The following CIC variants were observed in gnomAD, a reference collection of about 807,000 sequenced individuals.
CIC encodes protein capicua homolog.
A neutral mutation model predicts 115.7 loss-of-function variants in CIC; 18 were observed. The ratio of observed to expected loss-of-function variants is 0.16; its 90% CI spans 0.11 to 0.23. CIC has a LOEUF of 0.23. Among genes scored for constraint, CIC ranks in the 10% least tolerant of loss-of-function variants. The pLI, the probability that CIC is intolerant of heterozygous loss-of-function variation, is 1.00. For synonymous variants in CIC, 1,076 were observed against 923.0 expected, an observed-to-expected ratio of 1.17 and a Z score of -3.01; for missense variants, 2,000 against 2,159.3, an observed-to-expected ratio of 0.93 and a Z score of 1.46.
Position 42,273,910 on chromosome 19 carries a change from C to T in CIC, c.2127C>T (p.Ile709=), listed in dbSNP as rs1474574978. 3 of 398,452 alleles carry T rather than the reference C, an allele frequency of 7.5e-6. No homozygotes were observed. Among genetic ancestry groups the T allele is most frequent in the Non-Finnish European group, 1.3e-5 (3 of 226,052 alleles). 24.7% of individuals were successfully genotyped at this position (398,452 alleles called of 1,614,324 possible). ...CCAACCTGACCTTCACCGTGCCCAT[C>T]AGCCCTGGGCGACGGAAGACAGAGC... ...FQTNLTFTVP[I]SPGRRKTELL... Residue 709 remains isoleucine (I), a synonymous_variant, in exon 2 of 21, where the codon ATC becomes ATT. Transcript: ENST00000681038.
At chr19:42,271,350 T>C (rs560801409) in intron 1 of CIC, among the ~76,000 whole-genome samples, 126 of 152,332 alleles carry the variant, frequency 8.3e-4, no homozygotes, top group African/African-American at 3.0e-3. Context: ...TGTGGCTCAG[T>C]TTCCTCAGGT....
chr19:42,277,640 G>GT (rs1350540739), intron 2 of CIC, among the ~76,000 whole-genome samples: 1 of 152,254 alleles, frequency 6.6e-6, no homozygotes, highest in Non-Finnish European at 1.5e-5. Context: ...AGCGAAGACT[G>GT]TGTGCCTAAC....
intron 2 of CIC, among the ~76,000 whole-genome samples, chr19:42,282,191 C>T (rs923623589): frequency 6.6e-6 from 1 of 152,256 alleles, no homozygotes; most frequent in African/African-American, 2.4e-5. Context: ...TCCAGGCTCA[C>T]AGCCAAGTGT....
In CIC at chr19:42,272,399, C is replaced by T. The variant is rs1599847821; in HGVS notation, c.616C>T (p.Arg206Trp). Residue 206 changes from arginine to tryptophan, a missense_variant, in exon 2 of 21, where the codon CGG becomes TGG. Physicochemically the swap from Arg to Trp is moderately radical, Grantham distance 101. Transcript: ENST00000681038. ...TGACCTGCGGCAGCTGCGGTCCCAG[C>T]GGGTGCTGGCTCGGCGTGGTGATGG... ...SYDLRQLRSQ[R>W]VLARRGDGLF... is the part of the protein sequence containing the mutation. The T allele has an allele frequency of 5.0e-6, 2 of 398,556 alleles. No individual in the cohort carries two copies. Among genetic ancestry groups the T allele is most frequent in the Non-Finnish European group, 8.8e-6 (2 of 225,996 alleles). The allele number at this position is 398,556 out of a possible 1,614,324, so 24.7% of individuals were successfully genotyped here. A position where few individuals can be genotyped will look rare whatever the true frequency, so the allele number is the denominator to read the frequency against.
chr19:42,281,721 C>T lies in CIC; in HGVS notation c.2795-5050C>T, dbSNP rs549767980. Among the ~76,000 whole-genome samples the T allele has an allele frequency of 2.0e-5, 3 of 152,342 alleles. No individual in the cohort carries two copies. The East Asian group carries it at 5.8e-4, about 29-fold the overall frequency. On this transcript the variant is annotated intron_variant, in intron 2 of 20. Coordinates refer to ENST00000681038, the MANE Select transcript of CIC (RefSeq NM_001386298.1). Reference sequence around the variant, plus strand: ...CCCAGGGCAGGGGGGCCCTTCCCGCCCGGATTCCCGCCCCTCCCTGCCAGG... The same window carrying T: ...CCCAGGGCAGGGGGGCCCTTCCCGCTCGGATTCCCGCCCCTCCCTGCCAGG...
rs1346488196 is a variant in CIC, at chr19:42,295,747, CT to C, written c.*558del. 4 of 219,706 alleles carry C rather than the reference CT, an allele frequency of 1.8e-5. No individual in the cohort carries two copies. The highest frequency in any genetic ancestry group is 3.6e-5 in the Non-Finnish European group (4 of 109,616). 13.6% of individuals were successfully genotyped at this position (219,706 alleles called of 1,614,324 possible). On this transcript the variant is annotated 3_prime_UTR_variant, in exon 21 of 21. Coordinates refer to ENST00000681038, the MANE Select transcript of CIC (RefSeq NM_001386298.1). ...AACATGTTGATCATGTGCAATATTT[CT>C]TACTGTGCCGAGAAGCCGCAATGAG...
chr19:42,288,756 T>G lies in CIC; in HGVS notation c.3659-132T>G, dbSNP rs2037849494. ...GACTGGTGGTGGGTGGTGGTTTTTTTTTTTCACCAAGTGGCCCAGAAATTC... is the reference window on the plus strand; with the variant it reads ...GACTGGTGGTGGGTGGTGGTTTTTTGTTTTCACCAAGTGGCCCAGAAATTC... On this transcript the variant is annotated intron_variant, in intron 7 of 20. Transcript: ENST00000681038. 6.1e-6 allele frequency: 5 copies of G among 815,020 alleles called. No homozygotes were observed. The South Asian group carries it at 7.2e-5, about 12-fold the overall frequency. The allele number at this position is 815,020 out of a possible 1,614,324, so 50.5% of individuals were successfully genotyped here.
Position 42,295,141 on chromosome 19 carries a change from C to CCGGGGG in CIC, c.7504_7505insCGGGGG (p.Gln2502delinsProGlyGlu). 58 of 1,429,862 alleles carry CCGGGGG rather than the reference C, an allele frequency of 4.1e-5. No homozygotes were observed. Among genetic ancestry groups the CCGGGGG allele is most frequent in the African/African-American group, 7.1e-5 (5 of 70,246 alleles). The allele number at this position is 1,429,862 out of a possible 1,614,324, so 88.6% of individuals were successfully genotyped here. ...ACAGCCTGGCTGGGAGGGGGCTCCCCAGCCCTCCCCCCCACCCCCAGGTCC... is the reference window on the plus strand; with the variant it reads ...ACAGCCTGGCTGGGAGGGGGCTCCCCCGGGGGAGCCCTCCCCCCCACCCCCAGGTCC... On this transcript the variant is annotated protein_altering_variant, in exon 21 of 21. Coordinates refer to ENST00000681038, the MANE Select transcript of CIC (RefSeq NM_001386298.1).
In CIC at chr19:42,290,267, G is replaced by A. The variant is rs149770710; in HGVS notation, c.4226G>A (p.Arg1409His). The part of the protein sequence containing the change: ...FGRKVFSPVI[R>H]SSFTHCRPPL... The stretch of plus-strand genomic sequence containing the variant: ...CGGAAGGTGTTTTCACCTGTGATCC[G>A]TTCCTCCTTTACCCACTGCCGCCCC... Residue 1409 changes from arginine to histidine, a missense_variant, in exon 11 of 21, where the codon CGT (arginine) becomes CAT (histidine). Transcript: ENST00000681038. The A allele has an allele frequency of 2.9e-5, 47 of 1,614,032 alleles. No homozygotes were observed. Among genetic ancestry groups the A allele is most frequent in the Admixed American group, 1.5e-4 (9 of 60,004 alleles).
At chr19:42,283,708 A>G (rs2037375242) in intron 2 of CIC, among the ~76,000 whole-genome samples, 1 of 152,006 alleles carries the variant, frequency 6.6e-6, no homozygotes, top group East Asian at 1.9e-4. Context: ...CGGACTGGAC[A>G]CACAACAGCA....
intron 2 of CIC, among the ~76,000 whole-genome samples, chr19:42,276,885 A>G (rs1254381942): frequency 1.3e-5 from 2 of 152,128 alleles, no homozygotes; most frequent in Non-Finnish European, 2.9e-5. Context: ...TAGGCCCAGC[A>G]GGGCTCTTGT....
chr19:42,291,146 G>C lies in CIC; in HGVS notation c.5105G>C (p.Gly1702Ala). The C allele has an allele frequency of 6.2e-7, 1 of 1,607,912 alleles. No homozygotes were observed. The highest frequency in any genetic ancestry group is 8.5e-7 in the Non-Finnish European group (1 of 1,176,052). Residue 1702 changes from glycine (G) to alanine (A), a missense_variant, in exon 11 of 21, where the codon GGC (glycine) becomes GCC (alanine). Physicochemically the swap from Gly to Ala is moderately conservative, Grantham distance 60. Around this residue, in one of 8 missense-constraint regions of CIC, gnomAD observed 1,466 missense variants for 1,390.4 expected, o/e 1.05. Coordinates refer to ENST00000681038, the MANE Select transcript of CIC (RefSeq NM_001386298.1). ...QGAPGGGTTA[G>A]SGAGAGSGPN... ...GCCCCTGGTGGTGGGACCACTGCGG[G>C]CTCAGGAGCAGGTGCTGGGAGTGGC...
In CIC at chr19:42,295,318, C is replaced by T. The variant is rs950509091; in HGVS notation, c.*127C>T. 1.2e-6 allele frequency: 1 copy of T among 813,858 alleles called. No homozygotes were observed. Among genetic ancestry groups the T allele is most frequent in the Non-Finnish European group, 1.9e-6 (1 of 521,050 alleles). The allele number at this position is 813,858 out of a possible 1,614,324, so 50.4% of individuals were successfully genotyped here. On this transcript the variant is annotated 3_prime_UTR_variant, in exon 21 of 21. Coordinates refer to ENST00000681038, the MANE Select transcript of CIC (RefSeq NM_001386298.1). ...CTCTCCAGTTTGGGGCGGAATGAGG[C>T]CTGCTCCTCTTGTAAATACCCCCTT...
In CIC at chr19:42,270,842, CGT is replaced by C. The variant is rs139464803; in HGVS notation, c.-10-921_-10-920del. ...GTGATGACGTGTGCGTGCTTCTGTG[CGT>C]GTGTGTGTGTTTGTGCGCGTGCGTG... On this transcript the variant is annotated intron_variant, in intron 1 of 20. Coordinates refer to ENST00000681038, the MANE Select transcript of CIC (RefSeq NM_001386298.1). The surrounding 1 kb of genome is among the most constrained non-coding windows in gnomAD (Gnocchi z 4.1). Among the ~76,000 whole-genome samples the C allele has an allele frequency of 2.6e-5, 4 of 152,026 alleles. No individual in the cohort carries two copies. Among genetic ancestry groups the C allele is most frequent in the East Asian group, 1.9e-4 (1 of 5,184 alleles).
Position 42,292,588 on chromosome 19 carries a change from T to A in CIC, c.5925T>A (p.Ala1975=), listed in dbSNP as rs765280428. ...CAGCAGGCCAAGCCCCACTGCTGGC[T>A]CCCGGTCAGGTGGGCGTGTCACCTG... ...LLSAGQAPLL[A]PGQVGVSPVP... Residue 1975 remains alanine (A), a synonymous_variant, in exon 15 of 21, where the codon GCT becomes GCA. Coordinates refer to ENST00000681038, the MANE Select transcript of CIC (RefSeq NM_001386298.1). 5 of 1,613,184 alleles carry A rather than the reference T, an allele frequency of 3.1e-6. No homozygotes were observed. The Admixed American group carries it at 8.3e-5, about 27-fold the overall frequency.
chr19:42,287,770 G>T lies in CIC; in HGVS notation c.3493-40G>T, dbSNP rs369225136. 2 of 1,614,118 alleles carry T rather than the reference G, an allele frequency of 1.2e-6. No homozygotes were observed. The highest frequency in any genetic ancestry group is 1.7e-6 in the Non-Finnish European group (2 of 1,179,998). ...TGGCTCCTCCCAGCTTCTTCTGGTG[G>T]GGTGGGTGAGTGAAGGGTTGCCCTG... On this transcript the variant is annotated intron_variant, in intron 6 of 20. Coordinates refer to ENST00000681038, the MANE Select transcript of CIC (RefSeq NM_001386298.1). The surrounding 1 kb of genome is among the most constrained non-coding windows in gnomAD (Gnocchi z 8.7).
Position 42,287,440 on chromosome 19 carries a change from C to T in CIC, c.3300C>T (p.Ser1100=), listed in dbSNP as rs763930907. 2 of 1,613,324 alleles carry T rather than the reference C, an allele frequency of 1.2e-6. No homozygotes were observed. Among genetic ancestry groups the T allele is most frequent in the African/African-American group, 2.7e-5 (2 of 74,928 alleles). The change falls in exon 5 of 21, where the codon AGC becomes AGT. Residue 1100 remains serine (S), a synonymous_variant. Transcript: ENST00000681038. This position sits in a 1 kb window ranked among gnomAD's most constrained non-coding sequence, Gnocchi z 8.7. ...RDSSSEKDGR[S]PNKREKDHIR... ...CATCTTCTGAGAAGGATGGACGCAG[C>T]CCCAACAAGGTACTTTATCCCTGCC...
chr19:42,294,141 C>G (rs2038352239), intron 18 of CIC, 32 bp from the exon 19 acceptor site: 1 of 1,613,866 alleles, frequency 6.2e-7, no homozygotes. Flanking sequence ...AGACTGGGGC[C>G]ACCTGCACTG....
Position 42,280,971 on chromosome 19 carries a change from C to G in CIC, c.2795-5800C>G, listed in dbSNP as rs970526179. 6.6e-6 allele frequency among the ~76,000 whole-genome samples: 1 copy of G among 151,482 alleles called. No homozygotes were observed. Among genetic ancestry groups the G allele is most frequent in the African/African-American group, 2.4e-5 (1 of 41,216 alleles). On this transcript the variant is annotated intron_variant, in intron 2 of 20. Transcript: ENST00000681038. This position sits in a 1 kb window ranked among gnomAD's most constrained non-coding sequence, Gnocchi z 4.9. ...ATCCCTGGGGACCATCCCCCACACA[C>G]TCTCCCCAGTCTCTCTTTTCCTCCT...
Sources: gnomAD v4.1 joint callset for allele counts (sites outside exome capture counted in the v4.1 genomes callset) on GRCh38, gnomAD v4.1.1 for gene constraint, gnomAD v4.1.1 regional missense constraint, Gnocchi (gnomAD v3.1) non-coding constraint, MANE v1.5 for transcripts, NCBI Gene and HGNC (gene_info 2026-07-23, HGNC 2026-07-21) for gene names.